Variants in VPS13A observed in about 807,000 individuals in gnomAD.
VPS13A encodes intermembrane lipid transfer protein VPS13A.
VPS13A carries 264 observed loss-of-function variants against 390.9 expected under a neutral mutation model. That is an observed-to-expected ratio of 0.68 (90% CI 0.61 to 0.75). VPS13A has a LOEUF of 0.75. VPS13A is among the 30% of genes least tolerant of loss of function. VPS13A has a pLI of 0.00. For synonymous variants in VPS13A, 1,231 were observed against 1,227.1 expected, an observed-to-expected ratio of 1.00 and a Z score of -0.07; for missense variants, 3,409 against 3,733.9, an observed-to-expected ratio of 0.91 and a Z score of 2.27.
intron 31 of VPS13A, among the ~76,000 whole-genome samples, chr9:77,287,224 TTCTCTCTCTCTCTC>T (rs147295666): frequency 6.9e-6 from 1 of 145,090 alleles, no homozygotes; most frequent in African/African-American, 2.5e-5. Flanking sequence ...ATACATAAAA[TTCTCTCTCTCTCTC>T]TCTCTCTCTC....
intron 68 of VPS13A, among the ~76,000 whole-genome samples, chr9:77,401,392 C>G (rs902688423): frequency 7.9e-4 from 117 of 147,472 alleles, no homozygotes; most frequent in Non-Finnish European, 5.5e-4. Context: ...GGGAGGGAGT[C>G]AATAACATCT....
At chr9:77,229,735 A>G (rs1326399507) in intron 17 of VPS13A, among the ~76,000 whole-genome samples, 2 of 152,138 alleles carry the variant, frequency 1.3e-5, no homozygotes, top group Non-Finnish European at 2.9e-5. Flanking sequence ...ATGAGTATTC[A>G]TGAGTAATAT....
intron 20 of VPS13A, among the ~76,000 whole-genome samples, chr9:77,247,882 T>C (rs56922475): frequency 0.2 from 30,826 of 152,064 alleles, 3,301 homozygotes; most frequent in Middle Eastern, 0.25. Flanking sequence ...TGGTCTCGAA[T>C]GCCTGTACTG....
chr9:77,384,355 G>A (rs1833591142), intron 68 of VPS13A, among the ~76,000 whole-genome samples: 1 of 151,662 alleles, frequency 6.6e-6, no homozygotes, highest in African/African-American at 2.4e-5. Context: ...ATACCTTATT[G>A]ATATCATCAA....
intron 68 of VPS13A, among the ~76,000 whole-genome samples, chr9:77,386,456 A>G (rs996638915): frequency 6.6e-6 from 1 of 151,680 alleles, no homozygotes; most frequent in Admixed American, 6.6e-5. Context: ...AATGGGATTC[A>G]TAAAGATGAT....
At chr9:77,269,406 G>A (rs967491255) in intron 23 of VPS13A, among the ~76,000 whole-genome samples, 10 of 152,052 alleles carry the variant, frequency 6.6e-5, no homozygotes, top group Non-Finnish European at 1.2e-4. Context: ...ATTTCCATCT[G>A]TTTCTGTCCT....
At chr9:77,181,507 C>T (rs1824014166) in intron 1 of VPS13A, among the ~76,000 whole-genome samples, 1 of 141,662 alleles carries the variant, frequency 7.1e-6, no homozygotes, top group African/African-American at 2.7e-5. Context: ...CAGAGCGAGA[C>T]CCTGCCTCAA....
At chr9:77,338,960 A>C (rs1830674628) in intron 47 of VPS13A, 1 of 157,706 alleles carries the variant, frequency 6.3e-6, no homozygotes. Context: ...TCTTAAACTG[A>C]GACGTCATAT....
intron 23 of VPS13A, among the ~76,000 whole-genome samples, chr9:77,267,871 G>A (rs1346416948): frequency 6.6e-6 from 1 of 152,242 alleles, no homozygotes. Context: ...TGTCCAAAGT[G>A]GAGGAGTCTA....
intron 68 of VPS13A, among the ~76,000 whole-genome samples, chr9:77,399,667 G>C (rs773544135): frequency 2.0e-5 from 3 of 152,094 alleles, no homozygotes; most frequent in Non-Finnish European, 4.4e-5. Context: ...TTGAAAGCCA[G>C]TTTCTTTTCA....
chr9:77,249,759 A>T (rs933162439), intron 20 of VPS13A, among the ~76,000 whole-genome samples: 3 of 152,324 alleles, frequency 2.0e-5, no homozygotes, highest in African/African-American at 7.2e-5. Context: ...TGCCATAGAA[A>T]CATTTTATAA....
At chr9:77,364,696 G>A (rs753461086) in intron 59 of VPS13A, among the ~76,000 whole-genome samples, 4 of 152,012 alleles carry the variant, frequency 2.6e-5, no homozygotes, top group Non-Finnish European at 5.9e-5. Context: ...CCACGGATTC[G>A]CTTTTCTTAC....
chr9:77,259,012 G>C (rs1163530881), intron 22 of VPS13A, among the ~76,000 whole-genome samples: 2 of 151,976 alleles, frequency 1.3e-5, no homozygotes, highest in Non-Finnish European at 2.9e-5. Flanking sequence ...CAGCATAGCA[G>C]GAATTAAAAT....
intron 34 of VPS13A, among the ~76,000 whole-genome samples, chr9:77,306,618 AGAG>A (rs1212046284): frequency 1.3e-5 from 2 of 152,270 alleles, no homozygotes; most frequent in East Asian, 1.9e-4. Flanking sequence ...ATTCTTGCTT[AGAG>A]GAGGTCAGTC....
chr9:77,260,430 A>G (rs998017919), intron 23 of VPS13A, among the ~76,000 whole-genome samples: 16 of 134,904 alleles, frequency 1.2e-4, no homozygotes, highest in Admixed American at 1.1e-3. Flanking sequence ...ATCTCTGCTC[A>G]CTGCAAGCTC....
chr9:77,279,051 C>T (rs751711981), intron 26 of VPS13A, among the ~76,000 whole-genome samples: 14 of 152,184 alleles, frequency 9.2e-5, no homozygotes, highest in Non-Finnish European at 1.8e-4. Flanking sequence ...ACAGTATGCT[C>T]TTTCAACTTT....
chr9:77,345,467 G>T (rs1182749845), intron 52 of VPS13A, among the ~76,000 whole-genome samples: 1 of 152,046 alleles, frequency 6.6e-6, no homozygotes, highest in East Asian at 1.9e-4. Flanking sequence ...ATTTTTTCAT[G>T]TGTTTAATAT....
Position 77,351,310 on chromosome 9 carries a change from G to A in VPS13A, c.7290-7G>A, listed in dbSNP as rs2131540796. On this transcript the variant is annotated splice_region_variant and splice_polypyrimidine_tract_variant and intron_variant, in intron 52 of 71. Coordinates refer to ENST00000360280, the MANE Select transcript of VPS13A (RefSeq NM_033305.3). ...TAATTTAACGCGTATTTTTGCTACT[G>A]TGTCAGTTCTCTCAGTGAAATAGAA... The A allele has an allele frequency of 1.2e-6, 2 of 1,612,694 alleles. No individual in the cohort carries two copies. Among genetic ancestry groups the A allele is most frequent in the Non-Finnish European group, 8.5e-7 (1 of 1,179,176 alleles).
chr9:77,207,695 T>C (rs1435051127), intron 5 of VPS13A, among the ~76,000 whole-genome samples: 1 of 152,102 alleles, frequency 6.6e-6, no homozygotes, highest in Non-Finnish European at 1.5e-5. Context: ...GGATGTTGCT[T>C]GGATATTGGG....
Sources: gnomAD v4.1 joint callset for allele counts (sites outside exome capture counted in the v4.1 genomes callset) on GRCh38, gnomAD v4.1.1 for gene constraint, MANE v1.5 for transcripts, NCBI Gene and HGNC (gene_info 2026-07-23, HGNC 2026-07-21) for gene names.